PCSK5: variants seen among roughly 807,000 people sequenced by gnomAD.
PCSK5 encodes the protein proprotein convertase subtilisin/kexin type 5, also known as prohormone convertase 5.
PCSK5 carries 129 observed loss-of-function variants against 233.2 expected under a neutral mutation model. The ratio of observed to expected loss-of-function variants is 0.55; its 90% CI spans 0.48 to 0.64. The LOEUF is 0.64. Ranked by LOEUF, PCSK5 falls within the 30% of genes least tolerant of loss-of-function variation. The pLI is 0.00. For synonymous variants in PCSK5, 825 were observed against 879.2 expected, an observed-to-expected ratio of 0.94 and a Z score of 1.09; for missense variants, 2,076 against 2,430.1, an observed-to-expected ratio of 0.85 and a Z score of 3.06.
chr9:76,041,237 T>C (rs986291139), intron 5 of PCSK5, among the ~76,000 whole-genome samples: 18 of 152,212 alleles, frequency 1.2e-4, no homozygotes, highest in East Asian at 1.9e-4. Context: ...ACCATAGGAA[T>C]AGGATTTAGA....
chr9:76,295,064 G>C (rs1255679097), intron 25 of PCSK5, among the ~76,000 whole-genome samples: 5 of 152,128 alleles, frequency 3.3e-5, no homozygotes, highest in African/African-American at 1.2e-4. Context: ...TGAGGCAAGA[G>C]AATCACTTGA....
In PCSK5 at chr9:76,279,905, C is replaced by T. The variant is rs578003621; in HGVS notation, c.3143-12328C>T. 1.3e-3 allele frequency among the ~76,000 whole-genome samples: 194 copies of T among 151,954 alleles called. 1 individual carries two copies. The highest frequency in any genetic ancestry group is 0.01 in the Middle Eastern group (3 of 294). On this transcript the variant is annotated intron_variant, in intron 24 of 37. Coordinates refer to ENST00000674117, the MANE Select transcript of PCSK5 (RefSeq NM_001372043.1). ...GGTAGTTTCTTTTGCTGTGCAGAAG[C>T]TCTTTAGTTTAATTAGATCCCATTT...
intron 35 of PCSK5, among the ~76,000 whole-genome samples, chr9:76,347,626 C>T (rs1435988676): frequency 6.6e-6 from 1 of 152,070 alleles, no homozygotes; most frequent in African/African-American, 2.4e-5. Flanking sequence ...TGCAGTGGCT[C>T]ACGACTGTAA....
chr9:76,038,923 C>T (rs1421027232), intron 5 of PCSK5, among the ~76,000 whole-genome samples: 3 of 152,130 alleles, frequency 2.0e-5, no homozygotes, highest in Non-Finnish European at 1.5e-5. Flanking sequence ...ATTGTTCAAC[C>T]AACCTTCCTG....
intron 3 of PCSK5, among the ~76,000 whole-genome samples, chr9:76,005,762 C>G (rs539906110): frequency 1.3e-5 from 2 of 152,292 alleles, no homozygotes; most frequent in African/African-American, 4.8e-5. Context: ...CTAAATCTCC[C>G]TCATTAAGGG....
At chr9:76,133,060 C>T (rs1015811211) in intron 9 of PCSK5, among the ~76,000 whole-genome samples, 1 of 152,038 alleles carries the variant, frequency 6.6e-6, no homozygotes, top group Non-Finnish European at 1.5e-5. Context: ...ACCCCAAGCC[C>T]CATCACACCT....
chr9:75,932,049 C>T (rs915166752), intron 1 of PCSK5, among the ~76,000 whole-genome samples: 1 of 152,134 alleles, frequency 6.6e-6, no homozygotes, highest in African/African-American at 2.4e-5. Context: ...CCCCTCTTTC[C>T]CACATTTGGG....
intron 2 of PCSK5, among the ~76,000 whole-genome samples, chr9:75,944,049 G>A (rs1587397950): frequency 2.0e-5 from 3 of 152,026 alleles, no homozygotes; most frequent in Admixed American, 2.0e-4. Context: ...TTTAGTCCCA[G>A]GTACTCGGGA....
intron 24 of PCSK5, among the ~76,000 whole-genome samples, chr9:76,253,173 G>A (rs2131347714): frequency 6.6e-6 from 1 of 152,076 alleles, no homozygotes; most frequent in East Asian, 1.9e-4. Flanking sequence ...CTTAGTGCAT[G>A]ACCCAGGGAG....
chr9:76,260,923 G>T (rs371873779), intron 24 of PCSK5, among the ~76,000 whole-genome samples: 1 of 152,006 alleles, frequency 6.6e-6, no homozygotes, highest in South Asian at 2.1e-4. Context: ...ATTATTAATG[G>T]GGTATTTATT....
Position 76,296,491 on chromosome 9 carries a change from C to T in PCSK5, c.3323-174C>T, listed in dbSNP as rs150817089. Among the ~76,000 whole-genome samples the T allele has an allele frequency of 1.5e-3, 224 of 152,072 alleles. 1 individual carries two copies. Among genetic ancestry groups the T allele is most frequent in the African/African-American group, 5.2e-3 (217 of 41,488 alleles). ...CCGGGAGGTGGAGGATGCAGTGAGC[C>T]GAGATCATGCCACTGCACTTTAGCC... On this transcript the variant is annotated intron_variant, in intron 26 of 37. Coordinates refer to ENST00000674117, the MANE Select transcript of PCSK5 (RefSeq NM_001372043.1).
intron 30 of PCSK5, among the ~76,000 whole-genome samples, chr9:76,316,463 C>T (rs1829034647): frequency 6.6e-6 from 1 of 151,926 alleles, no homozygotes; most frequent in African/African-American, 2.4e-5. Context: ...GTAAGGTACA[C>T]CTGTAATCCC....
intron 2 of PCSK5, among the ~76,000 whole-genome samples, chr9:75,983,275 T>C (rs1826359092): frequency 6.6e-6 from 1 of 152,228 alleles, no homozygotes; most frequent in South Asian, 2.1e-4. Flanking sequence ...TTACATAATT[T>C]ATATGCATAT....
intron 14 of PCSK5, among the ~76,000 whole-genome samples, chr9:76,176,039 G>C (rs1823601006): frequency 6.6e-6 from 1 of 151,328 alleles, no homozygotes; most frequent in East Asian, 1.9e-4. Flanking sequence ...AAAACTATTA[G>C]AGGCTGGGGT....
chr9:76,026,567 G>T (rs557750037), intron 4 of PCSK5, among the ~76,000 whole-genome samples: 4 of 152,262 alleles, frequency 2.6e-5, no homozygotes, highest in African/African-American at 9.6e-5. Flanking sequence ...AGTAGGGAGA[G>T]AGTCTATGGA....
chr9:76,326,255 G>A (rs1829355788), intron 32 of PCSK5, among the ~76,000 whole-genome samples: 1 of 152,094 alleles, frequency 6.6e-6, no homozygotes, highest in African/African-American at 2.4e-5. Flanking sequence ...ATGTAGTGGT[G>A]TGTGCCTGTA....
chr9:76,267,960 C>G (rs1316690668), intron 24 of PCSK5, among the ~76,000 whole-genome samples: 3 of 141,594 alleles, frequency 2.1e-5, no homozygotes, highest in Admixed American at 6.8e-5. Flanking sequence ...TACACACACA[C>G]ACACACACAC....
chr9:76,089,256 G>A (rs1282373441), intron 7 of PCSK5, among the ~76,000 whole-genome samples: 1 of 152,096 alleles, frequency 6.6e-6, no homozygotes, highest in Non-Finnish European at 1.5e-5. Flanking sequence ...AAAAAGATGG[G>A]GAGTGGAATG....
chr9:76,315,944 T>G (rs903133866), intron 30 of PCSK5, among the ~76,000 whole-genome samples: 7 of 150,840 alleles, frequency 4.6e-5, no homozygotes, highest in African/African-American at 1.7e-4. Context: ...TTTTTTTTTT[T>G]TTTTTTTGCT....
Sources: gnomAD v4.1 joint callset for allele counts (sites outside exome capture counted in the v4.1 genomes callset) on GRCh38, gnomAD v4.1.1 for gene constraint, MANE v1.5 for transcripts, NCBI Gene and HGNC (gene_info 2026-07-23, HGNC 2026-07-21) for gene names.